Variants in CCNC observed in about 807,000 individuals in gnomAD.
CCNC encodes cyclin-C.
Under a neutral mutation model 50.0 loss-of-function variants are expected in CCNC, and 19 were observed. The observed-to-expected ratio is 0.38, with a 90% CI of 0.27 to 0.56. CCNC has a LOEUF of 0.56. Ranked by LOEUF, CCNC falls within the 20% of genes least tolerant of loss-of-function variation. CCNC has a pLI of 0.72. For synonymous variants in CCNC, 93 were observed against 103.7 expected (o/e 0.90, Z 0.63); for missense variants, 200 against 327.1 (o/e 0.61, Z 3.00).
Position 99,545,122 on chromosome 6 carries a change from GTGGTTT to G in CCNC, c.781_786del (p.Lys261_Pro262del), listed in dbSNP as rs1802021397. On this transcript the variant is annotated inframe_deletion, in exon 11 of 12. Coordinates refer to ENST00000520429, the MANE Select transcript of CCNC (RefSeq NM_005190.4). ...AAGTCTACAAAGTACCTGTTTGGAG[GTGGTTT>G]TGGTTTTGGCATCTTACTAAGAATG... 1 of 1,554,688 alleles carries G rather than the reference GTGGTTT, an allele frequency of 6.4e-7. No individual in the cohort carries two copies. Among genetic ancestry groups the G allele is most frequent in the South Asian group, 1.1e-5 (1 of 89,790 alleles).
At chr6:99,543,741 A>T in intron 11 of CCNC, 132 bp from the exon 12 acceptor site, 1 of 1,450,618 alleles carries the variant, frequency 6.9e-7, no homozygotes, top group East Asian at 2.4e-5. Context: ...CCTCATTATA[A>T]GACACGTGAA....
intron 4 of CCNC, among the ~76,000 whole-genome samples, chr6:99,559,720 CTTT>C (rs35825182): frequency 3.9e-5 from 5 of 128,604 alleles, no homozygotes; most frequent in Non-Finnish European, 3.3e-5. Flanking sequence ...AGGAATAATT[CTTT>C]TTTTTTTTTT....
chr6:99,556,700 G>A (rs1463502122), intron 5 of CCNC, among the ~76,000 whole-genome samples: 1 of 152,146 alleles, frequency 6.6e-6, no homozygotes, highest in East Asian at 1.9e-4. Flanking sequence ...CACTTTGGGA[G>A]GCCTGAGGTG....
intron 1 of CCNC, chr6:99,567,069 AAAG>A (rs1769159697): frequency 2.9e-6 from 1 of 345,276 alleles, no homozygotes. Context: ...GAATAGTTTC[AAAG>A]AAGTACACTT....
In CCNC at chr6:99,568,568, A is replaced by G. The variant is rs1769260641; in HGVS notation, c.-41T>C. 6.2e-7 allele frequency: 1 copy of G among 1,603,950 alleles called. No individual in the cohort carries two copies. The highest frequency in any genetic ancestry group is 8.5e-7 in the Non-Finnish European group (1 of 1,175,608). The stretch of plus-strand genomic sequence containing the variant: ...CTGATAAAAAAGCACCAGCCGGCGG[A>G]GCGGCCCGCGGAGCGACCATAGACC... On this transcript the variant is annotated 5_prime_UTR_variant, in exon 1 of 12. Transcript: ENST00000520429.
intron 9 of CCNC, among the ~76,000 whole-genome samples, chr6:99,549,107 CATT>C (rs1417608985): frequency 5.3e-5 from 8 of 152,216 alleles, no homozygotes; most frequent in Admixed American, 2.0e-4. Flanking sequence ...TCCAGCCAAG[CATT>C]ATGGACCACA....
intron 9 of CCNC, among the ~76,000 whole-genome samples, chr6:99,547,059 A>G (rs1334276778): frequency 7.3e-6 from 1 of 137,888 alleles, no homozygotes; most frequent in Non-Finnish European, 1.6e-5. Context: ...TATTAGTTAT[A>G]TATGTTATAT....
At chr6:99,551,142 A>C (rs1802281705) in intron 6 of CCNC, 114 bp from the exon 7 acceptor site, 2 of 457,080 alleles carry the variant, frequency 4.4e-6, no homozygotes, top group Non-Finnish European at 6.8e-6. Flanking sequence ...ATTTTTACTA[A>C]AAAGTTTTAA....
intron 5 of CCNC, 129 bp from the exon 6 acceptor site, chr6:99,552,024 A>G (rs1215147052): frequency 2.6e-5 from 13 of 500,710 alleles, no homozygotes; most frequent in Non-Finnish European, 3.8e-5. Context: ...GGCAACACTT[A>G]CGGACGCAGA....
chr6:99,544,407 A>C, intron 11 of CCNC: 1 of 745,198 alleles, frequency 1.3e-6, no homozygotes, highest in Non-Finnish European at 2.1e-6. Context: ...GTTATATAAC[A>C]ATCATTTTTC....
At chr6:99,568,727 C>A (rs563357804), upstream of CCNC, 5 of 1,414,904 alleles carry the variant, frequency 3.5e-6, no homozygotes, top group African/African-American at 4.3e-5. Context: ...CTGTGCAAAC[C>A]CGTTCCTATC....
chr6:99,546,103 G>A (rs112648304), intron 10 of CCNC, among the ~76,000 whole-genome samples: 44 of 152,022 alleles, frequency 2.9e-4, no homozygotes, highest in African/African-American at 1.0e-3. Context: ...GTAGCTGGGA[G>A]TACAGGTGCA....
intron 9 of CCNC, among the ~76,000 whole-genome samples, chr6:99,549,153 T>C (rs896217876): frequency 1.3e-5 from 2 of 152,180 alleles, no homozygotes; most frequent in African/African-American, 2.4e-5. Context: ...GAGTATTTGT[T>C]TGGGCTCAGG....
chr6:99,566,884 T>G (rs1451022011), intron 1 of CCNC: 2 of 443,392 alleles, frequency 4.5e-6, no homozygotes, highest in South Asian at 3.2e-5. Flanking sequence ...ATTGCCCTCT[T>G]TCACCAAATT....
rs529856509 is a variant in CCNC, at chr6:99,558,729, C to G, written c.295-181G>C. Among the ~76,000 whole-genome samples, 64 of 152,224 alleles carry G rather than the reference C, an allele frequency of 4.2e-4. No homozygotes were observed. In the South Asian group the frequency reaches 0.013, roughly 31 times the overall value. On this transcript the variant is annotated intron_variant, in intron 4 of 11. Transcript: ENST00000520429. ...ACCCCTTATCTGACATGCTTAGGAT[C>G]AGAGATTTTTCTGATTTAGGAATAT... is the stretch of plus-strand genomic sequence containing the variant.
At position 99,546,482 on chromosome 6, in the gene CCNC, G is replaced by GA. The variant is rs1802074770; in HGVS notation, c.599-9dup. On this transcript the variant is annotated splice_polypyrimidine_tract_variant and intron_variant, in intron 9 of 11. Transcript: ENST00000520429. ...AGGCTACATGTAGGCAAGCTGAAAT[G>GA]AAAATGAGAGACAACTGTCCATGTT... is the stretch of plus-strand genomic sequence containing the variant. 1.9e-6 allele frequency: 3 copies of GA among 1,577,132 alleles called. No individual in the cohort carries two copies. Among genetic ancestry groups the GA allele is most frequent in the Non-Finnish European group, 2.6e-6 (3 of 1,147,048 alleles).
chr6:99,545,690 A>AT (rs990206447), intron 10 of CCNC, among the ~76,000 whole-genome samples: 2 of 152,146 alleles, frequency 1.3e-5, no homozygotes, highest in African/African-American at 2.4e-5. Flanking sequence ...CAAATTAGCT[A>AT]TTTTTTTCCC....
intron 1 of CCNC, chr6:99,566,898 C>T: frequency 4.5e-6 from 2 of 449,336 alleles, no homozygotes; most frequent in Middle Eastern, 6.6e-4. Flanking sequence ...CCAAATTCAC[C>T]TAAGACAATG....
rs1399045283 is a variant in CCNC, at chr6:99,542,601, T to C, written c.*954A>G. On this transcript the variant is annotated 3_prime_UTR_variant, in exon 12 of 12. Coordinates refer to ENST00000520429, the MANE Select transcript of CCNC (RefSeq NM_005190.4). ...CAGTACAGTCCCACTGACATAACAT[T>C]TAGTATGATGTCCTACTCTCATATT... 6.6e-6 allele frequency: 1 copy of C among 152,582 alleles called. No individual in the cohort carries two copies. Among genetic ancestry groups the C allele is most frequent in the Non-Finnish European group, 1.5e-5 (1 of 68,004 alleles). 9.5% of individuals were successfully genotyped at this position (152,582 alleles called of 1,614,324 possible).
Sources: allele counts gnomAD v4.1 joint callset (sites outside exome capture counted in the v4.1 genomes callset), GRCh38; gene constraint gnomAD v4.1.1; transcripts MANE v1.5; gene names NCBI Gene and HGNC (gene_info 2026-07-23, HGNC 2026-07-21).